The following OPN5 variants were observed in gnomAD, a reference collection of about 807,000 sequenced individuals.
The protein encoded by OPN5 is opsin 5.
OPN5 carries 18 observed loss-of-function variants against 41.7 expected under a neutral mutation model. The ratio of observed to expected loss-of-function variants is 0.43; its 90% CI spans 0.30 to 0.64. The LOEUF is 0.64. OPN5 is among the 30% of genes least tolerant of loss of function. The pLI, the probability that OPN5 is intolerant of heterozygous loss-of-function variation, is 0.13. For synonymous variants in OPN5, 178 were observed against 164.3 expected (o/e 1.08, Z -0.64); for missense variants, 318 against 434.5 (o/e 0.73, Z 2.38).
At chr6:47,787,847 TGG>T (rs1773239064) in intron 2 of OPN5, among the ~76,000 whole-genome samples, 1 of 152,146 alleles carries the variant, frequency 6.6e-6, no homozygotes, top group South Asian at 2.1e-4. Context: ...CAGTGAGCTA[TGG>T]TACTACCACT....
chr6:47,793,891 A>G, intron 3 of OPN5: 1 of 444,664 alleles, frequency 2.2e-6, no homozygotes, highest in Non-Finnish European at 3.0e-6. Flanking sequence ...TAGTGGAGAA[A>G]CAAGAGCTGA....
rs772371771 is a variant in OPN5, at chr6:47,786,503, T to C, written c.131-12T>C. On this transcript the variant is annotated splice_polypyrimidine_tract_variant and intron_variant, in intron 1 of 6. Coordinates refer to ENST00000371211, the Ensembl canonical transcript of OPN5. ...TAGTTTTAACGATTGGAATTTTTAT[T>C]TTTCCTTGTAGGGATTCTGTCCACA... The C allele has an allele frequency of 6.3e-7, 1 of 1,598,834 alleles. No individual in the cohort carries two copies. The highest frequency in any genetic ancestry group is 2.2e-5 in the East Asian group (1 of 44,714).
At chr6:47,818,119 A>T (rs1762485040) in intron 6 of OPN5, among the ~76,000 whole-genome samples, 2 of 152,310 alleles carry the variant, frequency 1.3e-5, no homozygotes, top group African/African-American at 4.8e-5. Context: ...CTACTTTGAA[A>T]GTGGTATTCA....
chr6:47,805,060 C>G (rs1189166118), intron 4 of OPN5, among the ~76,000 whole-genome samples: 2 of 152,196 alleles, frequency 1.3e-5, no homozygotes, highest in Non-Finnish European at 2.9e-5. Flanking sequence ...TGTTAAGTCC[C>G]TAGACATCTG....
intron 3 of OPN5, among the ~76,000 whole-genome samples, chr6:47,792,510 T>C (rs1030061001): frequency 6.6e-6 from 1 of 152,170 alleles, no homozygotes; most frequent in East Asian, 1.9e-4. Flanking sequence ...GTGGTGTTGG[T>C]TGGTAGAAAG....
chr6:47,799,202 A>G (rs1581739560), intron 4 of OPN5, among the ~76,000 whole-genome samples: 1 of 109,492 alleles, frequency 9.1e-6, no homozygotes, highest in Admixed American at 8.3e-5. Context: ...TGATGTATAT[A>G]TATATATATA....
At chr6:47,784,587 C>A (rs964209038) in intron 1 of OPN5, among the ~76,000 whole-genome samples, 1 of 152,004 alleles carries the variant, frequency 6.6e-6, no homozygotes, top group Non-Finnish European at 1.5e-5. Flanking sequence ...CGTGAGCCAC[C>A]GCGCCTGGCC....
chr6:47,809,451 A>G (rs1245917003), intron 5 of OPN5, among the ~76,000 whole-genome samples: 4 of 152,206 alleles, frequency 2.6e-5, no homozygotes, highest in Non-Finnish European at 5.9e-5. Flanking sequence ...AGATGACAAA[A>G]AGGCACAAAT....
intron 1 of OPN5, among the ~76,000 whole-genome samples, chr6:47,783,373 TC>T (rs1389162587): frequency 6.6e-6 from 1 of 152,166 alleles, no homozygotes; most frequent in Admixed American, 6.6e-5. Flanking sequence ...TCTATCTTTC[TC>T]TTCCACCCTT....
chr6:47,815,898 C>T (rs1644352544), intron 6 of OPN5, among the ~76,000 whole-genome samples: 1 of 152,118 alleles, frequency 6.6e-6, no homozygotes, highest in African/African-American at 2.4e-5. Flanking sequence ...TAAGAAATTT[C>T]AATCAAACCA....
chr6:47,792,663 C>A (rs1206050181), intron 3 of OPN5, among the ~76,000 whole-genome samples: 1 of 152,242 alleles, frequency 6.6e-6, no homozygotes, highest in South Asian at 2.1e-4. Flanking sequence ...ATTTATCAAA[C>A]CTGAAAGAAT....
chr6:47,800,707 G>A (rs7766520), intron 4 of OPN5, among the ~76,000 whole-genome samples: 9,448 of 152,102 alleles, frequency 0.062, 416 homozygotes, highest in African/African-American at 0.12. Context: ...GAGCCTAAAT[G>A]TCTCTCAAAG....
Position 47,792,263 on chromosome 6 carries a change from G to A in OPN5, c.421+291G>A, listed in dbSNP as rs556284480. Among the ~76,000 whole-genome samples, 45 of 152,200 alleles carry A rather than the reference G, an allele frequency of 3.0e-4. No homozygotes were observed. The South Asian group carries it at 7.7e-3, about 26-fold the overall frequency. On this transcript the variant is annotated intron_variant, in intron 3 of 6. Coordinates refer to ENST00000371211, the Ensembl canonical transcript of OPN5. ...TGTAAGCTTCCATCATGTTTCCCAC[G>A]CAAACAAAAGAAATAAAGTGCATCG...
intron 6 of OPN5, among the ~76,000 whole-genome samples, chr6:47,817,961 A>G (rs1762481357): frequency 6.6e-6 from 1 of 152,170 alleles, no homozygotes; most frequent in Admixed American, 6.5e-5. Context: ...CACCTCTTCA[A>G]GAAACCAGGG....
chr6:47,797,154 G>C (rs1251898040), intron 4 of OPN5, among the ~76,000 whole-genome samples: 1 of 152,084 alleles, frequency 6.6e-6, no homozygotes, highest in Non-Finnish European at 1.5e-5. Context: ...GATCTGGGTG[G>C]GGGGACAGCC....
At chr6:47,825,989 A>G (rs919093467), downstream of OPN5, 1 of 152,184 alleles carries the variant, frequency 6.6e-6, no homozygotes, top group Non-Finnish European at 1.5e-5. Flanking sequence ...AGTTTGGTGT[A>G]TGTATTAAGA....
intron 4 of OPN5, among the ~76,000 whole-genome samples, chr6:47,797,306 T>C (rs1043363784): frequency 6.6e-6 from 1 of 152,160 alleles, no homozygotes; most frequent in Admixed American, 6.5e-5. Flanking sequence ...AATAGAACAG[T>C]TCTTGGACAA....
At chr6:47,798,084 A>G (rs1172296941) in intron 4 of OPN5, among the ~76,000 whole-genome samples, 2 of 152,086 alleles carry the variant, frequency 1.3e-5, no homozygotes, top group African/African-American at 4.8e-5. Flanking sequence ...GTAGGAATAC[A>G]TATGTGTAAT....
At chr6:47,811,629 T>A (rs1249136779) in intron 5 of OPN5, 45 bp from the exon 6 acceptor site, 1 of 1,240,100 alleles carries the variant, frequency 8.1e-7, no homozygotes, top group South Asian at 1.2e-5. Flanking sequence ...TTTATGTGTG[T>A]GTATATGTAG....
Sources: allele counts gnomAD v4.1 joint callset (sites outside exome capture counted in the v4.1 genomes callset), GRCh38; gene constraint gnomAD v4.1.1; transcripts MANE v1.5; gene names NCBI Gene and HGNC (gene_info 2026-07-23, HGNC 2026-07-21).